Variants in KANSL1 observed in about 807,000 individuals in gnomAD.
The protein encoded by KANSL1 is MLL1/MLL complex subunit KANSL1.
Under a neutral mutation model 103.6 loss-of-function variants are expected in KANSL1, and 22 were observed. The ratio of observed to expected loss-of-function variants is 0.21; its 90% confidence interval spans 0.15 to 0.30. The LOEUF (loss-of-function observed/expected upper bound fraction) is 0.30. Among genes scored for constraint, KANSL1 ranks in the 10% least tolerant of loss-of-function variants. The pLI is 1.00. For synonymous variants in KANSL1, 600 were observed against 527.6 expected (o/e 1.14, Z -1.88); for missense variants, 1,337 against 1,399.8 (o/e 0.96, Z 0.72).
At chr17:46,175,469 C>T (rs990133547) in intron 1 of KANSL1, among the ~76,000 whole-genome samples, 2 of 152,050 alleles carry the variant, frequency 1.3e-5, no homozygotes, top group African/African-American at 4.8e-5. Flanking sequence ...CCTGCTTCAG[C>T]CTCCCGAGTA....
intron 3 of KANSL1, among the ~76,000 whole-genome samples, chr17:46,084,697 TAAAA>T (rs67108405): frequency 0.21 from 15,553 of 75,606 alleles, 1,144 homozygotes; most frequent in Middle Eastern, 0.29. Context: ...TTTTAAAAAT[TAAAA>T]AAAAAAAAAA....
intron 2 of KANSL1, chr17:46,148,085 A>G (rs980116313): frequency 6.6e-6 from 1 of 152,244 alleles, no homozygotes; most frequent in African/African-American, 2.4e-5. Flanking sequence ...GGTTTATAAA[A>G]AGTAATTAGC....
At chr17:46,151,292 CCA>C (rs1375082594) in intron 2 of KANSL1, among the ~76,000 whole-genome samples, 2 of 152,222 alleles carry the variant, frequency 1.3e-5, no homozygotes, top group African/African-American at 4.8e-5. Context: ...TGATGAAAAT[CCA>C]ACAAACCGGG....
chr17:46,061,166 A>G (rs1202647405), intron 6 of KANSL1, among the ~76,000 whole-genome samples: 2 of 152,196 alleles, frequency 1.3e-5, no homozygotes, highest in Admixed American at 6.5e-5. Context: ...ACTATACACA[A>G]GTTTCTAATG....
chr17:46,142,464 A>T (rs1014649727), intron 2 of KANSL1, among the ~76,000 whole-genome samples: 7 of 152,046 alleles, frequency 4.6e-5, no homozygotes, highest in Non-Finnish European at 7.4e-5. Flanking sequence ...AGAAAAAAAA[A>T]TTTTTTAATA....
chr17:46,132,305 T>C (rs1273668742), intron 2 of KANSL1, among the ~76,000 whole-genome samples: 1 of 152,206 alleles, frequency 6.6e-6, no homozygotes, highest in Non-Finnish European at 1.5e-5. Context: ...CTAATTACCA[T>C]GAGAACCAAA....
intron 4 of KANSL1, among the ~76,000 whole-genome samples, chr17:46,070,626 T>C (rs1031196988): frequency 3.9e-5 from 6 of 152,200 alleles, no homozygotes; most frequent in Admixed American, 2.6e-4. Context: ...ATAGGTATTC[T>C]AGATTTCAGA....
At chr17:46,079,228 C>T (rs2078898043) in intron 4 of KANSL1, among the ~76,000 whole-genome samples, 1 of 152,004 alleles carries the variant, frequency 6.6e-6, no homozygotes, top group Non-Finnish European at 1.5e-5. Flanking sequence ...CCTTTTAGAA[C>T]AACTTAGTTC....
chr17:46,186,276 G>A (rs962731262), intron 1 of KANSL1, among the ~76,000 whole-genome samples: 3 of 151,678 alleles, frequency 2.0e-5, no homozygotes, highest in Non-Finnish European at 4.4e-5. Context: ...CCAGCTACTC[G>A]GGAGGCTGAG....
chr17:46,193,573 G>T (rs1459476758), upstream of KANSL1: 13 of 160,920 alleles, frequency 8.1e-5, no homozygotes, highest in Non-Finnish European at 1.3e-4. Context: ...CCCGCGGGCC[G>T]CCAGGAGGCG....
intron 6 of KANSL1, among the ~76,000 whole-genome samples, chr17:46,064,220 T>C (rs1568406559): frequency 6.6e-6 from 1 of 152,134 alleles, no homozygotes; most frequent in Non-Finnish European, 1.5e-5. Context: ...TACAATTCTT[T>C]TCTTTAAAGA....
intron 1 of KANSL1, among the ~76,000 whole-genome samples, chr17:46,205,635 C>G (rs1467441554): frequency 2.2e-5 from 3 of 139,526 alleles, no homozygotes; most frequent in African/African-American, 8.3e-5. Flanking sequence ...GAGCCGAGAT[C>G]ACACCACTGT....
intron 1 of KANSL1, among the ~76,000 whole-genome samples, chr17:46,175,603 G>A (rs2046484368): frequency 6.6e-6 from 1 of 152,178 alleles, no homozygotes; most frequent in South Asian, 2.1e-4. Context: ...GCTTGCCTCA[G>A]CATCCCAAAG....
intron 7 of KANSL1, chr17:46,041,878 T>TAG (rs1555734994): frequency 8.2e-6 from 1 of 122,648 alleles, no homozygotes; most frequent in Admixed American, 8.1e-5. Flanking sequence ...GAAATTTATT[T>TAG]TGTGTGTGTG....
At chr17:46,211,666 T>G (rs975491801) in intron 1 of KANSL1, among the ~76,000 whole-genome samples, 1 of 152,216 alleles carries the variant, frequency 6.6e-6, no homozygotes, top group Non-Finnish European at 1.5e-5. Flanking sequence ...AATTAAAAAG[T>G]CAAGCATCTT....
At chr17:46,203,043 G>A (rs1278458097) in intron 1 of KANSL1, among the ~76,000 whole-genome samples, 1 of 152,282 alleles carries the variant, frequency 6.6e-6, no homozygotes, top group East Asian at 1.9e-4. Flanking sequence ...ACCAGCCTGG[G>A]CAACATGGTG....
intron 1 of KANSL1, among the ~76,000 whole-genome samples, chr17:46,213,597 C>T (rs1221478094): frequency 1.2e-4 from 18 of 151,334 alleles, no homozygotes; most frequent in African/African-American, 3.4e-4. Flanking sequence ...CGTGAGCCAC[C>T]GTGCCCGGCC....
intron 6 of KANSL1, among the ~76,000 whole-genome samples, chr17:46,060,267 C>T (rs1043667414): frequency 4.6e-5 from 7 of 152,146 alleles, no homozygotes; most frequent in African/African-American, 9.7e-5. Flanking sequence ...ATTTGATATT[C>T]GTTATCTAAC....
chr17:46,207,431 C>G (rs2048006915), intron 1 of KANSL1, among the ~76,000 whole-genome samples: 1 of 151,608 alleles, frequency 6.6e-6, no homozygotes, highest in Admixed American at 6.6e-5. Flanking sequence ...ATCACTTGAA[C>G]CCAGGAGGCA....
Sources: gnomAD v4.1 joint callset for allele counts (sites outside exome capture counted in the v4.1 genomes callset) on GRCh38, gnomAD v4.1.1 for gene constraint, MANE v1.5 for transcripts, NCBI Gene and HGNC (gene_info 2026-07-23, HGNC 2026-07-21) for gene names.